Variants in DACH1 observed in about 807,000 individuals in gnomAD.
DACH1 encodes dachshund family transcription factor 1, also known as dachshund homolog 1.
In DACH1, 12 loss-of-function variants were observed where a neutral mutation model predicts 54.2. The observed-to-expected ratio is 0.22, with a 90% CI of 0.14 to 0.36. The LOEUF is 0.36. Ranked by LOEUF, DACH1 falls within the 10% of genes least tolerant of loss-of-function variation. DACH1 has a pLI of 1.00. For synonymous variants in DACH1, 386 were observed against 366.2 expected, an observed-to-expected ratio of 1.05 and a Z score of -0.62; for missense variants, 805 against 929.8, an observed-to-expected ratio of 0.87 and a Z score of 1.75.
At chr13:71,491,657 A>G (rs1878991000) in intron 6 of DACH1, among the ~76,000 whole-genome samples, 1 of 152,182 alleles carries the variant, frequency 6.6e-6, no homozygotes, top group African/African-American at 2.4e-5. Flanking sequence ...TTTTGAAAAG[A>G]ACACAAACAA....
intron 1 of DACH1, among the ~76,000 whole-genome samples, chr13:71,730,581 A>G (rs141137506): frequency 6.6e-6 from 1 of 152,136 alleles, no homozygotes; most frequent in South Asian, 2.1e-4. Flanking sequence ...GTGAGCATGT[A>G]CATATGAGTG....
chr13:71,720,764 A>C (rs1281601204), intron 1 of DACH1, among the ~76,000 whole-genome samples: 1 of 152,170 alleles, frequency 6.6e-6, no homozygotes, highest in Non-Finnish European at 1.5e-5. Flanking sequence ...AACATGATAC[A>C]TGATAGCAGA....
chr13:71,587,338 T>C (rs1349646106), intron 3 of DACH1, among the ~76,000 whole-genome samples: 3 of 152,082 alleles, frequency 2.0e-5, no homozygotes, highest in African/African-American at 7.2e-5. Flanking sequence ...AATTGTAAAA[T>C]GTGTCTTATT....
rs1339720580 is a variant in DACH1 at position 71,740,008 on chromosome 13, A to C, written c.849-58098T>G. Reference sequence around the variant, plus strand: ...ATAAACACAGGACTAAAATTGGTTTAAGAATTTCAAAACCATTCCTCATGA... The same window carrying C: ...ATAAACACAGGACTAAAATTGGTTTCAGAATTTCAAAACCATTCCTCATGA... On this transcript the variant is annotated intron_variant, in intron 1 of 10. Coordinates refer to ENST00000613252, the MANE Select transcript of DACH1 (RefSeq NM_080759.6). 4.6e-5 allele frequency among the ~76,000 whole-genome samples: 7 copies of C among 152,346 alleles called. No homozygotes were observed. In the East Asian group the frequency reaches 1.3e-3, roughly 29 times the overall value.
At chr13:71,805,755 G>A (rs1319009522) in intron 1 of DACH1, among the ~76,000 whole-genome samples, 2 of 152,058 alleles carry the variant, frequency 1.3e-5, no homozygotes, top group Non-Finnish European at 1.5e-5. Context: ...GTGATACAAA[G>A]CACAGCTTTT....
chr13:71,582,043 T>TA (rs1872888281), intron 3 of DACH1, among the ~76,000 whole-genome samples: 1 of 152,132 alleles, frequency 6.6e-6, no homozygotes, highest in African/African-American at 2.4e-5. Context: ...AATTTGTACA[T>TA]AGTAGATTAA....
intron 1 of DACH1, among the ~76,000 whole-genome samples, chr13:71,856,023 A>T (rs1205946065): frequency 2.0e-5 from 3 of 151,960 alleles, no homozygotes; most frequent in African/African-American, 7.2e-5. Flanking sequence ...GAAAACTTAA[A>T]TAGCTGCAAA....
chr13:71,493,615 TA>T (rs1197017814), intron 6 of DACH1, among the ~76,000 whole-genome samples: 3 of 152,212 alleles, frequency 2.0e-5, no homozygotes, highest in Non-Finnish European at 4.4e-5. Flanking sequence ...GTTCAGTTAG[TA>T]TTAGCTGCTT....
intron 1 of DACH1, among the ~76,000 whole-genome samples, chr13:71,699,853 T>C (rs74099105): frequency 0.039 from 6,006 of 152,286 alleles, 272 homozygotes; most frequent in African/African-American, 0.11. Context: ...TATAGCCAAC[T>C]ATATGAAATT....
At chr13:71,490,263 C>T (rs116317517) in intron 6 of DACH1, among the ~76,000 whole-genome samples, 1,686 of 152,256 alleles carry the variant, frequency 0.011, 10 homozygotes, top group Middle Eastern at 0.031. Flanking sequence ...TTTTATTTTT[C>T]ATTACACCAT....
intron 1 of DACH1, among the ~76,000 whole-genome samples, chr13:71,735,436 CGGATATACGTGTATAT>C (rs1231828730): frequency 2.5e-4 from 1 of 3,972 alleles, no homozygotes; most frequent in African/African-American, 5.0e-4. Flanking sequence ...TACACGTATA[CGGATATACGTGTATAT>C]GGGATATACA....
At chr13:71,752,946 C>T (rs1884989515) in intron 1 of DACH1, among the ~76,000 whole-genome samples, 1 of 152,138 alleles carries the variant, frequency 6.6e-6, no homozygotes, top group African/African-American at 2.4e-5. Context: ...AAGCCCAATA[C>T]ATCAGCATCA....
At chr13:71,798,361 T>TATATATATATAC (rs56284845) in intron 1 of DACH1, among the ~76,000 whole-genome samples, 4 of 121,412 alleles carry the variant, frequency 3.3e-5, no homozygotes, top group African/African-American at 1.1e-4. Context: ...TATATATATA[T>TATATATATATAC]ATCCATTACC....
intron 2 of DACH1, among the ~76,000 whole-genome samples, chr13:71,678,654 C>T (rs1880712409): frequency 6.9e-6 from 1 of 144,352 alleles, no homozygotes; most frequent in African/African-American, 2.5e-5. Flanking sequence ...CTCTCTCTTT[C>T]CTTCTTTCTT....
intron 1 of DACH1, among the ~76,000 whole-genome samples, chr13:71,829,842 G>A (rs1888515685): frequency 6.6e-6 from 1 of 151,832 alleles, no homozygotes; most frequent in Non-Finnish European, 1.5e-5. Flanking sequence ...TTGCACTTAT[G>A]TACTTTCTAT....
At chr13:71,507,441 TTAAATTTAATCA>T (rs150477678) in intron 6 of DACH1, among the ~76,000 whole-genome samples, 2,191 of 152,296 alleles carry the variant, frequency 0.014, 60 homozygotes, top group African/African-American at 0.05. Context: ...TTTACAATTG[TTAAATTTAATCA>T]TAAATTTAAT....
chr13:71,516,424 G>A (rs1414580590), intron 6 of DACH1, among the ~76,000 whole-genome samples: 1 of 151,526 alleles, frequency 6.6e-6, no homozygotes, highest in African/African-American at 2.4e-5. Flanking sequence ...ACTTTAATAG[G>A]TCCTTTGGAA....
intron 1 of DACH1, among the ~76,000 whole-genome samples, chr13:71,777,085 T>G (rs1267550470): frequency 6.6e-6 from 1 of 152,232 alleles, no homozygotes; most frequent in Non-Finnish European, 1.5e-5. Context: ...TATATTTCAC[T>G]GTTTTGCCCC....
At chr13:71,493,478 C>T (rs896654947) in intron 6 of DACH1, among the ~76,000 whole-genome samples, 5 of 152,164 alleles carry the variant, frequency 3.3e-5, no homozygotes, top group African/African-American at 1.2e-4. Flanking sequence ...ACTGTAGGAT[C>T]ATAAATCCTA....
Sources: gnomAD v4.1 joint callset for allele counts (sites outside exome capture counted in the v4.1 genomes callset) on GRCh38, gnomAD v4.1.1 for gene constraint, MANE v1.5 for transcripts, NCBI Gene and HGNC (gene_info 2026-07-23, HGNC 2026-07-21) for gene names.